Variants in SGMS2 observed in about 807,000 individuals in gnomAD.
SGMS2 encodes the protein sphingomyelin synthase 2, also known as phosphatidylcholine:ceramide cholinephosphotransferase 2.
Under a neutral mutation model 43.8 loss-of-function variants are expected in SGMS2, and 21 were observed. That is an observed-to-expected ratio of 0.48 (90% confidence interval 0.34 to 0.69). The LOEUF (loss-of-function observed/expected upper bound fraction) is 0.69. Ranked by LOEUF, SGMS2 falls within the 30% of genes least tolerant of loss-of-function variation. SGMS2 has a pLI of 0.01. For missense variants in SGMS2, 384 were observed against 443.2 expected, an observed-to-expected ratio of 0.87 and a Z score of 1.20; for synonymous variants, 167 against 160.6, an observed-to-expected ratio of 1.04 and a Z score of -0.30.
rs151107926 is a variant in SGMS2 at position 107,870,990 on chromosome 4, A to G, written c.-245+12437A>G. On this transcript the variant is annotated intron_variant, in intron 2 of 6. Transcript: ENST00000690982. ...ATGCTAATTGAACATTGAGTTTGTA[A>G]TGTTTCCTGACTACCTCTTGGCATT... Among the ~76,000 whole-genome samples, 309 of 152,312 alleles carry G rather than the reference A, an allele frequency of 2.0e-3. 1 individual carries two copies. The highest frequency in any genetic ancestry group is 7.1e-3 in the African/African-American group (294 of 41,578).
At position 107,903,237 on chromosome 4, in the gene SGMS2, A is replaced by T. The variant is rs756327378; in HGVS notation, c.578A>T (p.Asn193Ile). ...TAATCTTCTTGTGTCATTCAGCTCA[A>T]TGGAGACTCTCAGGCAAAAGTTCAA... ...GMHFQCAPKL[N>I]GDSQAKVQRI... The change falls in exon 5 of 7, where the codon AAT (asparagine) becomes ATT (isoleucine). Residue 193 changes from asparagine (N) to isoleucine (I), a missense_variant. Coordinates refer to ENST00000690982, the MANE Select transcript of SGMS2 (RefSeq NM_001375905.1). 2 of 1,613,964 alleles carry T rather than the reference A, an allele frequency of 1.2e-6. No individual in the cohort carries two copies. Among genetic ancestry groups the T allele is most frequent in the Non-Finnish European group, 1.7e-6 (2 of 1,179,860 alleles).
At chr4:107,844,836 C>T (rs758859895) in intron 1 of SGMS2, among the ~76,000 whole-genome samples, 15 of 152,112 alleles carry the variant, frequency 9.9e-5, no homozygotes, top group Non-Finnish European at 1.6e-4. Flanking sequence ...GGGATTTAAC[C>T]AGGTATAGTC....
At chr4:107,898,106 T>C (rs757223927) in intron 3 of SGMS2, among the ~76,000 whole-genome samples, 5 of 152,194 alleles carry the variant, frequency 3.3e-5, no homozygotes, top group African/African-American at 4.8e-5. Context: ...AAAGGCTAAA[T>C]TGGTTTTCCC....
chr4:107,905,183 C>T (rs977735753), intron 5 of SGMS2, among the ~76,000 whole-genome samples: 12 of 152,302 alleles, frequency 7.9e-5, no homozygotes, highest in Admixed American at 1.3e-4. Context: ...CACAGTTCCA[C>T]GTGGCTGAGG....
chr4:107,841,172 T>G (rs1036119486), intron 1 of SGMS2, among the ~76,000 whole-genome samples: 2 of 152,204 alleles, frequency 1.3e-5, no homozygotes, highest in African/African-American at 4.8e-5. Context: ...GAGAAGCTGC[T>G]GGCCATGTGT....
intron 2 of SGMS2, among the ~76,000 whole-genome samples, chr4:107,884,627 A>C (rs1198606941): frequency 6.6e-6 from 1 of 152,160 alleles, no homozygotes; most frequent in Non-Finnish European, 1.5e-5. Context: ...CACTGAGATA[A>C]ATGTATAACT....
Position 107,825,083 on chromosome 4 carries a change from G to A in SGMS2, c.-497G>A, listed in dbSNP as rs1725497204. On this transcript the variant is annotated 5_prime_UTR_variant, in exon 1 of 7. Transcript: ENST00000690982. ...GAGCTGCTTCCCCTAGTCAGGCCGC[G>A]GCGTGGGAGGGCGAGACCCCGAGCA... 1 of 152,162 alleles carries A rather than the reference G, an allele frequency of 6.6e-6. No homozygotes were observed. Among genetic ancestry groups the A allele is most frequent in the African/African-American group, 2.4e-5 (1 of 41,432 alleles). 9.4% of individuals were successfully genotyped at this position (152,162 alleles called of 1,614,324 possible). A position where few individuals can be genotyped will look rare whatever the true frequency, so the allele number is the denominator to read the frequency against.
chr4:107,847,099 C>T (rs932525594), intron 1 of SGMS2, among the ~76,000 whole-genome samples: 4 of 151,698 alleles, frequency 2.6e-5, no homozygotes, highest in Non-Finnish European at 5.9e-5. Flanking sequence ...TTTTGCTGTG[C>T]AGAAGCTCTT....
At chr4:107,830,045 A>G (rs2125984094) in intron 1 of SGMS2, among the ~76,000 whole-genome samples, 1 of 152,314 alleles carries the variant, frequency 6.6e-6, no homozygotes, top group Middle Eastern at 3.4e-3. Context: ...TCTGCCCTCA[A>G]GTAGGCCCCT....
Position 107,880,603 on chromosome 4 carries a change from C to T in SGMS2, c.-244-14707C>T, listed in dbSNP as rs188729908. On this transcript the variant is annotated intron_variant, in intron 2 of 6. Transcript: ENST00000690982. ...GGGTGCGATGGCTCACACCTATAAT[C>T]GCAGCACTTTAGGAGGCTGAGATGG... Among the ~76,000 whole-genome samples the T allele has an allele frequency of 2.2e-3, 330 of 152,142 alleles. 3 individuals are homozygous for T. The highest frequency in any genetic ancestry group is 7.4e-3 in the African/African-American group (308 of 41,510).
At chr4:107,834,599 C>A (rs1410495258) in intron 1 of SGMS2, among the ~76,000 whole-genome samples, 2 of 152,110 alleles carry the variant, frequency 1.3e-5, no homozygotes, top group Non-Finnish European at 2.9e-5. Context: ...ATTTGCCTAG[C>A]AATGTTATTA....
chr4:107,860,322 T>C (rs1727655706), intron 2 of SGMS2, among the ~76,000 whole-genome samples: 1 of 152,154 alleles, frequency 6.6e-6, no homozygotes, highest in South Asian at 2.1e-4. Context: ...TGTTCCACAG[T>C]TAAAATAGTG....
chr4:107,885,925 T>G (rs2126095243), intron 2 of SGMS2, among the ~76,000 whole-genome samples: 1 of 152,230 alleles, frequency 6.6e-6, no homozygotes, highest in South Asian at 2.1e-4. Context: ...TGTTCAGAAC[T>G]TATTTGAGGA....
upstream of SGMS2, chr4:107,824,634 C>T (rs1725462890): frequency 6.6e-6 from 1 of 152,320 alleles, no homozygotes; most frequent in South Asian, 2.1e-4. Context: ...GCCAAACTGC[C>T]CTGCCTGCCA....
At chr4:107,833,906 A>G (rs1726030068) in intron 1 of SGMS2, among the ~76,000 whole-genome samples, 1 of 152,208 alleles carries the variant, frequency 6.6e-6, no homozygotes, top group Non-Finnish European at 1.5e-5. Flanking sequence ...TGGCTTTGAA[A>G]ATGGAAGGAG....
chr4:107,850,509 C>G (rs1322815486), intron 1 of SGMS2, among the ~76,000 whole-genome samples: 3 of 152,150 alleles, frequency 2.0e-5, no homozygotes, highest in African/African-American at 7.2e-5. Flanking sequence ...CAGAGGTTCT[C>G]TTTCTGTGTG....
At chr4:107,885,778 C>T (rs1476401599) in intron 2 of SGMS2, among the ~76,000 whole-genome samples, 1 of 152,122 alleles carries the variant, frequency 6.6e-6, no homozygotes, top group East Asian at 1.9e-4. Flanking sequence ...AAATTAAAAA[C>T]ACAGTATCCT....
intron 2 of SGMS2, among the ~76,000 whole-genome samples, chr4:107,874,411 G>A (rs182451260): frequency 2.3e-3 from 354 of 152,272 alleles, no homozygotes; most frequent in Non-Finnish European, 4.3e-3. Context: ...AGAGAAATGC[G>A]CCATTCCCTG....
At chr4:107,863,894 G>C (rs1356378882) in intron 2 of SGMS2, 1 of 152,246 alleles carries the variant, frequency 6.6e-6, no homozygotes, top group Non-Finnish European at 1.5e-5. Context: ...AGCTCTCTGG[G>C]AAAGGGTAAG....
Sources: allele counts gnomAD v4.1 joint callset (sites outside exome capture counted in the v4.1 genomes callset), GRCh38; gene constraint gnomAD v4.1.1; transcripts MANE v1.5; gene names NCBI Gene and HGNC (gene_info 2026-07-23, HGNC 2026-07-21).